The following RNF31 variants were observed in gnomAD, a reference collection of about 807,000 sequenced individuals.
The protein encoded by RNF31 is ring finger protein 31.
RNF31 carries 38 observed loss-of-function variants against 133.6 expected under a neutral mutation model. That is an observed-to-expected ratio of 0.28 (90% CI 0.22 to 0.37). RNF31 has a LOEUF of 0.37. Ranked by LOEUF, RNF31 falls within the 10% of genes least tolerant of loss-of-function variation. The pLI, the probability that RNF31 is intolerant of heterozygous loss-of-function variation, is 1.00. For missense variants in RNF31, 1,118 were observed against 1,394.1 expected (o/e 0.80, Z 3.15); for synonymous variants, 582 against 552.3 (o/e 1.05, Z -0.75).
chr14:24,153,601 A>T (rs968792854), intron 11 of RNF31, among the ~76,000 whole-genome samples: 7 of 151,584 alleles, frequency 4.6e-5, no homozygotes. Context: ...AATTAAAAAA[A>T]ATAATAAAAT....
At chr14:24,154,981 C>T (rs1442483177) in intron 11 of RNF31, 176 bp from the exon 12 acceptor site, 1 of 615,028 alleles carries the variant, frequency 1.6e-6, no homozygotes, top group Non-Finnish European at 2.8e-6. Flanking sequence ...TTCCTCCACC[C>T]GACTGTCTTC....
Position 24,149,435 on chromosome 14 carries a change from G to T in RNF31, c.661G>T (p.Gly221Cys). The T allele has an allele frequency of 6.2e-7, 1 of 1,614,080 alleles. No individual in the cohort carries two copies. The change falls in exon 6 of 21, where the codon GGT (glycine) becomes TGT (cysteine). Residue 221 changes from glycine (G) to cysteine (C), a missense_variant. Physicochemically the swap from Gly to Cys is radical, Grantham distance 159 (BLOSUM62 -3). Transcript: ENST00000324103. ...CACTCCTGGTCCCTGCTTCCTCTGT[G>T]GTTCTGCCCCAGGCACACTGCACTG... ...GSTPGPCFLCGSAPGTLHCPS... is the reference protein window; with the variant it reads ...GSTPGPCFLCCSAPGTLHCPS...
intron 18 of RNF31, 58 bp from the exon 19 acceptor site, chr14:24,159,806 C>T: frequency 2.1e-6 from 3 of 1,395,728 alleles, no homozygotes; most frequent in Non-Finnish European, 3.0e-6. Context: ...TATCCCAGTT[C>T]TGGAGCTTTG....
chr14:24,154,282 C>G (rs960008879), intron 11 of RNF31, among the ~76,000 whole-genome samples: 8 of 152,152 alleles, frequency 5.3e-5, no homozygotes, highest in African/African-American at 1.7e-4. Context: ...CTCAGCCTCC[C>G]GAGTAGCTGG....
In RNF31 at chr14:24,151,180, A is replaced by C; in HGVS notation, c.1538A>C (p.Gln513Pro). The change falls in exon 9 of 21, where the codon CAG becomes CCG. Residue 513 changes from glutamine to proline, a missense_variant. Physicochemically the swap from Gln to Pro is moderately conservative, Grantham distance 76. Coordinates refer to ENST00000324103, the MANE Select transcript of RNF31 (RefSeq NM_017999.5). The surrounding 1 kb of genome is among the most constrained non-coding windows in gnomAD (Gnocchi z 5.3). ...ACPEEIFSAL[Q>P]YSGTEVPLQW... is the part of the protein sequence containing the mutation. Reference sequence around the variant, plus strand: ...CCAGAGGAGATCTTCTCGGCTCTGCAGTACTCGGGCACTGAGGTGCCTCTG... The same window carrying C: ...CCAGAGGAGATCTTCTCGGCTCTGCCGTACTCGGGCACTGAGGTGCCTCTG... 6.2e-7 allele frequency: 1 copy of C among 1,614,174 alleles called. No homozygotes were observed. Among genetic ancestry groups the C allele is most frequent in the Non-Finnish European group, 8.5e-7 (1 of 1,180,046 alleles).
intron 5 of RNF31, 189 bp downstream of exon 5, chr14:24,149,065 G>A (rs2038223510): frequency 1.6e-6 from 1 of 635,460 alleles, no homozygotes; most frequent in South Asian, 1.9e-5. Context: ...CCGGGTTCAA[G>A]CGATTCTCCT....
chr14:24,149,387 C>T lies in RNF31; in HGVS notation c.632-19C>T, dbSNP rs760448261. The stretch of plus-strand genomic sequence containing the variant: ...CCTGGTCTTTTTTGGAAAGATGTTC[C>T]ATCTCTCCTGCCCTCCAGGCTCCAC... On this transcript the variant is annotated intron_variant, in intron 5 of 20. Coordinates refer to ENST00000324103, the MANE Select transcript of RNF31 (RefSeq NM_017999.5). The T allele has an allele frequency of 6.2e-7, 1 of 1,603,300 alleles. No individual in the cohort carries two copies. Among genetic ancestry groups the T allele is most frequent in the South Asian group, 1.1e-5 (1 of 90,562 alleles).
chr14:24,150,812 G>T lies in RNF31; in HGVS notation c.1412G>T (p.Ser471Ile). Residue 471 changes from serine to isoleucine, a missense_variant, in exon 8 of 21, where the codon AGT becomes ATT. Transcript: ENST00000324103. ...PPRRLSAPLP[S>I]SCGDPEKQRQ... is the part of the protein sequence containing the mutation. The stretch of plus-strand genomic sequence containing the variant: ...CGACGCCTTAGTGCCCCCCTGCCCA[G>T]TTCCTGTGGAGATCCTGAGAAGCAG... 6.3e-7 allele frequency: 1 copy of T among 1,597,310 alleles called. No individual in the cohort carries two copies. Among genetic ancestry groups the T allele is most frequent in the Non-Finnish European group, 8.5e-7 (1 of 1,170,772 alleles).
intron 11 of RNF31, among the ~76,000 whole-genome samples, chr14:24,152,433 A>T (rs1410713550): frequency 2.6e-5 from 4 of 151,904 alleles, no homozygotes; most frequent in African/African-American, 7.3e-5. Flanking sequence ...TTACTTATTT[A>T]TTTTTTTTAG....
At position 24,155,619 on chromosome 14, in the gene RNF31, T is replaced by G; in HGVS notation, c.2420T>G (p.Ile807Arg). ...CACTTCCAGTGCTCCTTTGGCTTCA[T>G]ATATGAGCGTGAGCAGCTGGAGGCA... ...LWCAQCSFGFIYEREQLEATC... is the reference protein window; with the variant it reads ...LWCAQCSFGFRYEREQLEATC... Residue 807 changes from isoleucine (I) to arginine (R), a missense_variant, in exon 14 of 21, where the codon ATA (isoleucine) becomes AGA (arginine). By Grantham distance (97) the Ile-to-Arg change is moderately conservative. This residue lies in a region of RNF31 where 201 missense variants were observed against 371.7 expected (regional missense o/e 0.54). Transcript: ENST00000324103. This position sits in a 1 kb window ranked among gnomAD's most constrained non-coding sequence, Gnocchi z 4.9. The G allele has an allele frequency of 6.2e-7, 1 of 1,614,194 alleles. No individual in the cohort carries two copies. The highest frequency in any genetic ancestry group is 8.5e-7 in the Non-Finnish European group (1 of 1,180,024).
rs925581673 is a variant in RNF31, at chr14:24,149,309, G to C, written c.632-97G>C. On this transcript the variant is annotated intron_variant, in intron 5 of 20. Coordinates refer to ENST00000324103, the MANE Select transcript of RNF31 (RefSeq NM_017999.5). ...TAAAATTGTTTCCTTGGGTCCAGAT[G>C]TTTAAAAAGTAGTCTTGTGATTTGC... 8.7e-6 allele frequency: 11 copies of C among 1,270,160 alleles called. No individual in the cohort carries two copies. In the African/African-American group the frequency reaches 1.7e-4, roughly 19 times the overall value. The allele number at this position is 1,270,160 out of a possible 1,614,324, so 78.7% of individuals were successfully genotyped here. A position where few individuals can be genotyped will look rare whatever the true frequency, so the allele number is the denominator to read the frequency against.
Position 24,155,120 on chromosome 14 carries a change from C to G in RNF31, c.2131-37C>G. On this transcript the variant is annotated intron_variant, in intron 11 of 20. Transcript: ENST00000324103. The surrounding 1 kb of genome is among the most constrained non-coding windows in gnomAD (Gnocchi z 4.9). ...CTCTTCCCTAGCCTGGCAGCTGTGG[C>G]TTCTGACCCCCTCCCCTCCAACCCC... 8 of 1,600,616 alleles carry G rather than the reference C, an allele frequency of 5.0e-6. No homozygotes were observed. The highest frequency in any genetic ancestry group is 6.8e-6 in the Non-Finnish European group (8 of 1,170,046).
chr14:24,151,761 C>G lies in RNF31; in HGVS notation c.1924-25C>G, dbSNP rs2139081828. 6.2e-7 allele frequency: 1 copy of G among 1,600,882 alleles called. No individual in the cohort carries two copies. Among genetic ancestry groups the G allele is most frequent in the African/African-American group, 1.3e-5 (1 of 74,796 alleles). On this transcript the variant is annotated intron_variant, in intron 10 of 20. Transcript: ENST00000324103. This position sits in a 1 kb window ranked among gnomAD's most constrained non-coding sequence, Gnocchi z 5.3. The stretch of plus-strand genomic sequence containing the variant: ...GTCCCTGGAGTCTGACAGCACTTCC[C>G]CCCTCCACCTGAATCATATTGCAGA...
In RNF31 at chr14:24,151,526, G is replaced by T. The variant is rs775418759; in HGVS notation, c.1779G>T (p.Gly593=). Residue 593 remains glycine (G), a synonymous_variant, in exon 10 of 21, where the codon GGG becomes GGT. Transcript: ENST00000324103. The surrounding 1 kb of genome is among the most constrained non-coding windows in gnomAD (Gnocchi z 5.3). The part of the protein sequence containing the change: ...LQSLGFGPEE[G]SLQALFQHGG... ...CTCTAGGCTTTGGGCCTGAGGAGGG[G>T]TCTCTCCAGGCATTGTTCCAGCACG... 3.1e-6 allele frequency: 5 copies of T among 1,614,206 alleles called. No individual in the cohort carries two copies. The South Asian group carries it at 3.3e-5, about 11-fold the overall frequency.
Position 24,155,732 on chromosome 14 carries a change from A to C in RNF31, c.2493+40A>C. On this transcript the variant is annotated intron_variant, in intron 14 of 20. Transcript: ENST00000324103. The surrounding 1 kb of genome is among the most constrained non-coding windows in gnomAD (Gnocchi z 4.9). ...TCCTTTCAGAAATACTTGCTGAGCT[A>C]CTGCCAGGTACTGTGTTAGACTCAG... 1 of 1,543,274 alleles carries C rather than the reference A, an allele frequency of 6.5e-7. No individual in the cohort carries two copies. The highest frequency in any genetic ancestry group is 9.0e-7 in the Non-Finnish European group (1 of 1,117,246).
chr14:24,151,398 AT>A lies in RNF31; in HGVS notation c.1737+20del, dbSNP rs2139081099. 1.2e-6 allele frequency: 2 copies of A among 1,614,118 alleles called. No individual in the cohort carries two copies. Among genetic ancestry groups the A allele is most frequent in the Admixed American group, 3.3e-5 (2 of 60,022 alleles). On this transcript the variant is annotated intron_variant, in intron 9 of 20. Transcript: ENST00000324103. The surrounding 1 kb of genome is among the most constrained non-coding windows in gnomAD (Gnocchi z 5.3). ...AAGGAAGGTATCAGCTGTGCTGGAT[AT>A]GGGATAGGGTCGAGAGTCTGCATCT...
At chr14:24,153,962 A>G (rs904780693) in intron 11 of RNF31, among the ~76,000 whole-genome samples, 13 of 152,176 alleles carry the variant, frequency 8.5e-5, no homozygotes, top group African/African-American at 3.1e-4. Flanking sequence ...AAAATAGTGC[A>G]TAGAGTCCTG....
At chr14:24,152,896 G>T (rs941610409) in intron 11 of RNF31, among the ~76,000 whole-genome samples, 1 of 151,538 alleles carries the variant, frequency 6.6e-6, no homozygotes, top group Non-Finnish European at 1.5e-5. Flanking sequence ...CCTGGCTGAC[G>T]CAGTGAAACC....
In RNF31 at chr14:24,151,593, C is replaced by T. The variant is rs374504041; in HGVS notation, c.1846C>T (p.Arg616Cys). The change falls in exon 10 of 21, where the codon CGC becomes TGC. Residue 616 changes from arginine (R) to cysteine (C), a missense_variant. Arg to Cys is a radical substitution (Grantham distance 180). This residue lies in a region of RNF31 where 747 missense variants were observed against 827.9 expected (regional missense o/e 0.90). Coordinates refer to ENST00000324103, the MANE Select transcript of RNF31 (RefSeq NM_017999.5). The surrounding 1 kb of genome is among the most constrained non-coding windows in gnomAD (Gnocchi z 5.3). Reference protein sequence around the residue: ...SRALTELQRQRLEPFRQRLWD... With the variant: ...SRALTELQRQCLEPFRQRLWD... ...GGCCCTGACTGAGCTACAGCGCCAACGCCTAGAGCCCTTCCGCCAGCGCCT... is the reference window on the plus strand; with the variant it reads ...GGCCCTGACTGAGCTACAGCGCCAATGCCTAGAGCCCTTCCGCCAGCGCCT... 1.5e-5 allele frequency: 24 copies of T among 1,613,946 alleles called. No individual in the cohort carries two copies. The highest frequency in any genetic ancestry group is 6.7e-5 in the East Asian group (3 of 44,886).
Sources: allele counts gnomAD v4.1 joint callset (sites outside exome capture counted in the v4.1 genomes callset), GRCh38; gene constraint gnomAD v4.1.1; regional missense constraint gnomAD v4.1.1; non-coding constraint Gnocchi (gnomAD v3.1); transcripts MANE v1.5; gene names NCBI Gene and HGNC (gene_info 2026-07-23, HGNC 2026-07-21).